ZBTB5: variants seen among roughly 807,000 people sequenced by gnomAD.
ZBTB5 encodes zinc finger and BTB domain-containing protein 5.
In ZBTB5, 15 loss-of-function variants were observed where a neutral mutation model predicts 37.9. The observed-to-expected ratio is 0.40, with a 90% CI of 0.26 to 0.61. ZBTB5 has a LOEUF of 0.61. Among genes scored for constraint, ZBTB5 ranks in the 20% least tolerant of loss-of-function variants. The pLI, the probability that ZBTB5 is intolerant of heterozygous loss-of-function variation, is 0.47. For synonymous variants in ZBTB5, 315 were observed against 312.4 expected, an observed-to-expected ratio of 1.01 and a Z score of -0.09; for missense variants, 708 against 856.8, an observed-to-expected ratio of 0.83 and a Z score of 2.17.
At chr9:37,451,087 G>C (rs1205157477) in intron 1 of ZBTB5, among the ~76,000 whole-genome samples, 1 of 151,954 alleles carries the variant, frequency 6.6e-6, no homozygotes, top group Admixed American at 6.6e-5. Context: ...GACTGAGGTG[G>C]GAGGACAGCT....
At chr9:37,455,537 G>A (rs762829396) in intron 1 of ZBTB5, among the ~76,000 whole-genome samples, 5 of 152,158 alleles carry the variant, frequency 3.3e-5, no homozygotes, top group Non-Finnish European at 5.9e-5. Context: ...ATGGGGCTTC[G>A]GGAGCTGCAG....
In ZBTB5 at chr9:37,441,691, G is replaced by A; in HGVS notation, c.861C>T (p.Ser287=). 2.5e-6 allele frequency: 4 copies of A among 1,613,934 alleles called. No individual in the cohort carries two copies. The highest frequency in any genetic ancestry group is 3.4e-6 in the Non-Finnish European group (4 of 1,179,996). Residue 287 remains serine, a synonymous_variant, in exon 2 of 2, where the codon TCC becomes TCT. Transcript: ENST00000307750. ...CAACCTGAGTTGCACGAGAGGCCATGGACAACTGTGCCATGTTGCCAGCAC... is the reference window on the plus strand; with the variant it reads ...CAACCTGAGTTGCACGAGAGGCCATAGACAACTGTGCCATGTTGCCAGCAC... ...DNSAGNMAQL[S]MASRATQVET...
chr9:37,451,291 G>T (rs998265642), intron 1 of ZBTB5, among the ~76,000 whole-genome samples: 2 of 152,156 alleles, frequency 1.3e-5, no homozygotes, highest in African/African-American at 4.8e-5. Flanking sequence ...CACTGGCTAG[G>T]CACGGTGGCT....
In ZBTB5 at chr9:37,441,179, G is replaced by A. The variant is rs765981900; in HGVS notation, c.1373C>T (p.Pro458Leu). Residue 458 changes from proline (P) to leucine (L), a missense_variant, in exon 2 of 2, where the codon CCC becomes CTC. By Grantham distance (98) the Pro-to-Leu change is moderately conservative (BLOSUM62 -3). Around this residue, in one of 3 missense-constraint regions of ZBTB5, gnomAD observed 639 missense variants for 690.5 expected, o/e 0.93. Transcript: ENST00000307750. ...TACATGGGAGCCAGGGGCAGAGGAG[G>A]GCCCACCTGCAGGCCCAGCCTCTGG... ...LSPEAGPAGG[P>L]SSAPGSHVEN... The A allele has an allele frequency of 2.5e-6, 4 of 1,613,956 alleles. No homozygotes were observed. The highest frequency in any genetic ancestry group is 3.4e-6 in the Non-Finnish European group (4 of 1,179,928).
chr9:37,455,555 C>G (rs997572689), intron 1 of ZBTB5, among the ~76,000 whole-genome samples: 5 of 152,336 alleles, frequency 3.3e-5, no homozygotes, highest in Middle Eastern at 6.8e-3. Context: ...CAGGCACCCA[C>G]CCCTAGATGC....
In ZBTB5 at chr9:37,438,289, A is replaced by AACCAGTTATAAT. The variant is rs1240428865; in HGVS notation, c.*2217_*2228dup. 1.3e-5 allele frequency: 2 copies of AACCAGTTATAAT among 152,702 alleles called. No individual in the cohort carries two copies. Among genetic ancestry groups the AACCAGTTATAAT allele is most frequent in the South Asian group, 2.1e-4 (1 of 4,820 alleles). The allele number at this position is 152,702 out of a possible 1,614,324, so 9.5% of individuals were successfully genotyped here. A position where few individuals can be genotyped will look rare whatever the true frequency, so the allele number is the denominator to read the frequency against. ...AACCAATCAAAATTCAGGTACCCAA[A>AACCAGTTATAAT]ACCAGTTATAATCCAGGTAGAAACT... On this transcript the variant is annotated 3_prime_UTR_variant, in exon 2 of 2. Coordinates refer to ENST00000307750, the MANE Select transcript of ZBTB5 (RefSeq NM_014872.3).
chr9:37,446,951 G>A (rs1395023781), intron 1 of ZBTB5, among the ~76,000 whole-genome samples: 1 of 152,184 alleles, frequency 6.6e-6, no homozygotes, highest in Non-Finnish European at 1.5e-5. Flanking sequence ...TCTTCTAAGC[G>A]ACCATGGAAG....
chr9:37,452,741 A>G (rs950899936), intron 1 of ZBTB5, among the ~76,000 whole-genome samples: 2 of 152,190 alleles, frequency 1.3e-5, no homozygotes, highest in Non-Finnish European at 2.9e-5. Flanking sequence ...CTCAAGGCAA[A>G]GGTGCTGGTC....
chr9:37,449,476 T>C (rs1443425931), intron 1 of ZBTB5, among the ~76,000 whole-genome samples: 4 of 151,956 alleles, frequency 2.6e-5, no homozygotes, highest in African/African-American at 9.7e-5. Flanking sequence ...GGTGGGCAGA[T>C]CACTTGAGGC....
chr9:37,464,656 C>G (rs1047333374), intron 1 of ZBTB5, among the ~76,000 whole-genome samples: 2 of 152,260 alleles, frequency 1.3e-5, no homozygotes, highest in Non-Finnish European at 2.9e-5. Context: ...GCTCCTCGCA[C>G]GAAGCCTGGG....
chr9:37,465,000 T>A (rs1188671511), intron 1 of ZBTB5, among the ~76,000 whole-genome samples: 1 of 150,778 alleles, frequency 6.6e-6, no homozygotes, highest in Non-Finnish European at 1.5e-5. Flanking sequence ...GCAGACAGCC[T>A]GGCGTCGGGA....
In ZBTB5 at chr9:37,441,019, C is replaced by T. The variant is rs746718336; in HGVS notation, c.1533G>A (p.Leu511=). ...CCCTGGAGAAGGAGGAGTGGAGGCCCAAACCAGACCTGGAAAAGTCCATCC... is the reference window on the plus strand; with the variant it reads ...CCCTGGAGAAGGAGGAGTGGAGGCCTAAACCAGACCTGGAAAAGTCCATCC... ...QFGMDFSRSG[L]GLHSSFSRVM... The change falls in exon 2 of 2, where the codon TTG becomes TTA. Residue 511 remains leucine, a synonymous_variant. Transcript: ENST00000307750. The T allele has an allele frequency of 3.7e-6, 6 of 1,614,158 alleles. No homozygotes were observed. The highest frequency in any genetic ancestry group is 4.5e-5 in the East Asian group (2 of 44,884).
intron 1 of ZBTB5, among the ~76,000 whole-genome samples, chr9:37,464,729 T>G (rs1267985027): frequency 6.6e-6 from 1 of 152,210 alleles, no homozygotes; most frequent in Non-Finnish European, 1.5e-5. Context: ...AGTTGGGGCA[T>G]TCCGAAACAC....
At position 37,465,337 on chromosome 9, in the gene ZBTB5, C is replaced by G. The variant is rs1171411136; in HGVS notation, c.-127G>C. 1 of 150,122 alleles carries G rather than the reference C, an allele frequency of 6.7e-6. No homozygotes were observed. Among genetic ancestry groups the G allele is most frequent in the Non-Finnish European group, 1.5e-5 (1 of 67,366 alleles). 9.3% of individuals were successfully genotyped at this position (150,122 alleles called of 1,614,324 possible). On this transcript the variant is annotated 5_prime_UTR_variant, in exon 1 of 2. Transcript: ENST00000307750. ...CAGCGTCTCCGTTACGGGACTTCCT[C>G]CCCCTTCCACCCGCCCCCCTCCCAC...
chr9:37,441,157 A>G lies in ZBTB5; in HGVS notation c.1395T>C (p.His465=). Residue 465 remains histidine, a synonymous_variant, in exon 2 of 2, where the codon CAT becomes CAC. Transcript: ENST00000307750. ...AGGPSSAPGS[H]VENPFSEPAD... ...CAGGTTCACTAAATGGGTTCTCTAC[A>G]TGGGAGCCAGGGGCAGAGGAGGGCC... 1.2e-6 allele frequency: 2 copies of G among 1,613,954 alleles called. No individual in the cohort carries two copies. Among genetic ancestry groups the G allele is most frequent in the Non-Finnish European group, 1.7e-6 (2 of 1,179,938 alleles).
chr9:37,457,649 T>C (rs1287654121), intron 1 of ZBTB5, among the ~76,000 whole-genome samples: 2 of 152,366 alleles, frequency 1.3e-5, no homozygotes, highest in Middle Eastern at 3.4e-3. Context: ...TGAATAACGA[T>C]ATTACAAAGT....
intron 1 of ZBTB5, among the ~76,000 whole-genome samples, chr9:37,446,541 G>C (rs1427923306): frequency 6.6e-6 from 1 of 152,224 alleles, no homozygotes; most frequent in Non-Finnish European, 1.5e-5. Flanking sequence ...CAACAAAATA[G>C]ATCACACATA....
chr9:37,459,372 A>C (rs1328578224), intron 1 of ZBTB5, among the ~76,000 whole-genome samples: 1 of 151,922 alleles, frequency 6.6e-6, no homozygotes, highest in East Asian at 2.0e-4. Context: ...AGGCAGAAGA[A>C]TCGCTTGAAC....
At chr9:37,461,586 G>A (rs1417883097) in intron 1 of ZBTB5, among the ~76,000 whole-genome samples, 2 of 152,158 alleles carry the variant, frequency 1.3e-5, no homozygotes, top group East Asian at 1.9e-4. Context: ...AAAATTAGTC[G>A]GGCATGGTGG....
Sources: allele counts gnomAD v4.1 joint callset (sites outside exome capture counted in the v4.1 genomes callset), GRCh38; gene constraint gnomAD v4.1.1; regional missense constraint gnomAD v4.1.1; transcripts MANE v1.5; gene names NCBI Gene and HGNC (gene_info 2026-07-23, HGNC 2026-07-21).